KIAA0825: variants seen among roughly 807,000 people sequenced by gnomAD.
KIAA0825 encodes the protein KIAA0825.
KIAA0825 carries 119 observed loss-of-function variants against 147.6 expected under a neutral mutation model. That is an observed-to-expected ratio of 0.81 (90% CI 0.69 to 0.94). The LOEUF is 0.94. Ranked by LOEUF, KIAA0825 falls within the 40% of genes least tolerant of loss-of-function variation. The pLI, the probability that KIAA0825 is intolerant of heterozygous loss-of-function variation, is 0.00. For missense variants in KIAA0825, 1,381 were observed against 1,472.7 expected, an observed-to-expected ratio of 0.94 and a Z score of 1.02; for synonymous variants, 470 against 518.1, an observed-to-expected ratio of 0.91 and a Z score of 1.26.
intron 2 of KIAA0825, among the ~76,000 whole-genome samples, chr5:94,550,339 C>T (rs914909901): frequency 9.2e-5 from 14 of 152,148 alleles, no homozygotes; most frequent in Non-Finnish European, 1.9e-4. Flanking sequence ...CCTGGAAAGG[C>T]CCCCAAACTG....
intron 5 of KIAA0825, among the ~76,000 whole-genome samples, chr5:94,510,405 C>T (rs1018086255): frequency 2.6e-5 from 4 of 152,144 alleles, no homozygotes; most frequent in East Asian, 3.8e-4. Context: ...CTAGAAATAG[C>T]GTAATTTATA....
At chr5:94,486,464 G>A (rs550865859) in intron 5 of KIAA0825, among the ~76,000 whole-genome samples, 120 of 152,160 alleles carry the variant, frequency 7.9e-4, no homozygotes, top group Non-Finnish European at 1.5e-3. Context: ...AAAATGTCAT[G>A]ATCTCTTTGC....
intron 5 of KIAA0825, among the ~76,000 whole-genome samples, chr5:94,503,269 C>G (rs1305922808): frequency 1.3e-5 from 2 of 151,902 alleles, no homozygotes; most frequent in African/African-American, 2.4e-5. Flanking sequence ...AAATGAATTC[C>G]CTATAACACT....
intron 20 of KIAA0825, among the ~76,000 whole-genome samples, chr5:94,199,094 T>A (rs1198113128): frequency 1.3e-5 from 2 of 152,184 alleles, no homozygotes; most frequent in East Asian, 3.9e-4. Context: ...GCTAGTATGA[T>A]CATTTTGAGG....
At chr5:94,590,311 A>C (rs2152389079) in intron 1 of KIAA0825, among the ~76,000 whole-genome samples, 1 of 152,188 alleles carries the variant, frequency 6.6e-6, no homozygotes, top group South Asian at 2.1e-4. Context: ...GGTTTCTTAT[A>C]CCATTTATTT....
chr5:94,266,007 T>C (rs1776724621), intron 20 of KIAA0825, among the ~76,000 whole-genome samples: 1 of 152,180 alleles, frequency 6.6e-6, no homozygotes, highest in African/African-American at 2.4e-5. Context: ...GAAAAGTACT[T>C]GTGTGACTGA....
chr5:94,189,090 T>G (rs1267385102), intron 20 of KIAA0825, among the ~76,000 whole-genome samples: 2 of 152,208 alleles, frequency 1.3e-5, no homozygotes, highest in African/African-American at 2.4e-5. Context: ...GAAAAGTGTG[T>G]GCTTAAGTAT....
At chr5:94,254,267 T>C (rs1333874351) in intron 20 of KIAA0825, among the ~76,000 whole-genome samples, 5 of 152,184 alleles carry the variant, frequency 3.3e-5, no homozygotes, top group African/African-American at 1.2e-4. Flanking sequence ...CATATTTTGA[T>C]ACATTATTAT....
chr5:94,515,566 T>G (rs1267884470), intron 5 of KIAA0825, among the ~76,000 whole-genome samples: 13 of 151,856 alleles, frequency 8.6e-5, no homozygotes, highest in Non-Finnish European at 1.5e-5. Flanking sequence ...CCAAGGCGGG[T>G]GGATCACCTG....
intron 5 of KIAA0825, among the ~76,000 whole-genome samples, chr5:94,518,125 A>ATAGAT (rs1767554026): frequency 6.6e-6 from 1 of 152,238 alleles, no homozygotes. Context: ...TTTCGTGAGC[A>ATAGAT]TAAAGATACA....
At chr5:94,214,826 G>A (rs1378307193) in intron 20 of KIAA0825, among the ~76,000 whole-genome samples, 5 of 152,050 alleles carry the variant, frequency 3.3e-5, no homozygotes, top group East Asian at 1.9e-4. Flanking sequence ...TTTTCTCTAC[G>A]TTCATGTGAG....
intron 20 of KIAA0825, among the ~76,000 whole-genome samples, chr5:94,323,427 G>A (rs948873063): frequency 5.9e-5 from 9 of 151,742 alleles, no homozygotes; most frequent in East Asian, 1.9e-4. Context: ...TACGTGTTAT[G>A]TCTCTCCAAT....
chr5:94,254,761 C>A (rs774312145), intron 20 of KIAA0825, among the ~76,000 whole-genome samples: 5 of 152,040 alleles, frequency 3.3e-5, no homozygotes, highest in Non-Finnish European at 5.9e-5. Context: ...AGAGGTATTT[C>A]TCAGATTAGA....
At chr5:94,514,751 C>G (rs1766966207) in intron 5 of KIAA0825, among the ~76,000 whole-genome samples, 1 of 152,146 alleles carries the variant, frequency 6.6e-6, no homozygotes, top group Non-Finnish European at 1.5e-5. Context: ...GATTGGCCTA[C>G]TTTCTAATAG....
chr5:94,234,521 G>T (rs1022620832), intron 20 of KIAA0825, among the ~76,000 whole-genome samples: 1 of 152,192 alleles, frequency 6.6e-6, no homozygotes, highest in African/African-American at 2.4e-5. Context: ...ATAAAGAAAA[G>T]TGGTTTAATT....
intron 14 of KIAA0825, among the ~76,000 whole-genome samples, chr5:94,436,831 C>T (rs1459945427): frequency 6.6e-6 from 1 of 152,036 alleles, no homozygotes; most frequent in Non-Finnish European, 1.5e-5. Flanking sequence ...TGTAAAGGTC[C>T]TTCACTTCCA....
intron 20 of KIAA0825, among the ~76,000 whole-genome samples, chr5:94,357,629 G>A (rs1744456587): frequency 6.6e-6 from 1 of 152,152 alleles, no homozygotes; most frequent in Non-Finnish European, 1.5e-5. Flanking sequence ...CAGTTTGTAG[G>A]CAAGCCATCA....
At chr5:94,169,506 C>T (rs1041119771) in intron 20 of KIAA0825, among the ~76,000 whole-genome samples, 6 of 147,262 alleles carry the variant, frequency 4.1e-5, no homozygotes, top group African/African-American at 1.3e-4. Context: ...CACTTGAGCC[C>T]GGGAGGCAGA....
chr5:94,539,800 G>T (rs1398642719), intron 2 of KIAA0825, among the ~76,000 whole-genome samples: 4 of 152,074 alleles, frequency 2.6e-5, no homozygotes, highest in Admixed American at 2.6e-4. Flanking sequence ...TAAGATTTAG[G>T]GGTTAGAGGC....
Sources: allele counts gnomAD v4.1 joint callset (sites outside exome capture counted in the v4.1 genomes callset), GRCh38; gene constraint gnomAD v4.1.1; transcripts MANE v1.5; gene names NCBI Gene and HGNC (gene_info 2026-07-23, HGNC 2026-07-21).